The following NDC80 variants were observed in gnomAD, a reference collection of about 807,000 sequenced individuals.
The protein encoded by NDC80 is kinetochore protein NDC80 homolog.
Under a neutral mutation model 89.3 loss-of-function variants are expected in NDC80, and 69 were observed. The ratio of observed to expected loss-of-function variants is 0.77; its 90% CI spans 0.64 to 0.94. The LOEUF (loss-of-function observed/expected upper bound fraction) is 0.94, where lower values mean the gene tolerates loss of function less well. Ranked by LOEUF, NDC80 falls within the 40% of genes least tolerant of loss-of-function variation. The pLI, the probability that NDC80 is intolerant of heterozygous loss-of-function variation, is 0.00. For missense variants in NDC80, 593 were observed against 739.6 expected (o/e 0.80, Z 2.30); for synonymous variants, 243 against 255.6 (o/e 0.95, Z 0.47).
At chr18:2,606,572 C>T (rs554417961) in intron 14 of NDC80, 65 bp downstream of exon 14, 4 of 980,840 alleles carry the variant, frequency 4.1e-6, no homozygotes, top group South Asian at 3.2e-5. Flanking sequence ...TGATGAGTCA[C>T]ATATTCTGAC....
chr18:2,600,673 T>G (rs1386955094), intron 12 of NDC80, among the ~76,000 whole-genome samples: 1 of 151,280 alleles, frequency 6.6e-6, no homozygotes, highest in African/African-American at 2.4e-5. Flanking sequence ...CAGGCCAAAA[T>G]TAAAACTCAG....
At chr18:2,595,705 T>C (rs1009060504) in intron 11 of NDC80, 84 bp downstream of exon 11, 7 of 1,153,312 alleles carry the variant, frequency 6.1e-6, no homozygotes, top group Non-Finnish European at 8.7e-6. Flanking sequence ...AGTCAGTGGG[T>C]AGAGTAAATT....
Position 2,595,442 on chromosome 18 carries a change from G to T in NDC80, c.1042G>T (p.Glu348Ter). 1 of 1,613,620 alleles carries T rather than the reference G, an allele frequency of 6.2e-7. No individual in the cohort carries two copies. The highest frequency in any genetic ancestry group is 8.5e-7 in the Non-Finnish European group (1 of 1,179,796). The change falls in exon 11 of 17, where the codon GAG (glutamate) becomes TAG (stop). Residue 348 changes from glutamate (E) to a stop codon, truncating the protein, a stop_gained. Transcript: ENST00000261597. LOFTEE classifies it high-confidence loss of function. ...VELECETIKQENTRLQNIIDN... is the reference protein window; with the variant it reads ...VELECETIKQ Reference sequence around the variant, plus strand: ...ACTAGAATGTGAAACAATAAAACAGGAGAACACTCGACTACAGAATATCAT... The same window carrying T: ...ACTAGAATGTGAAACAATAAAACAGTAGAACACTCGACTACAGAATATCAT...
chr18:2,573,169 G>A (rs1441369332), intron 2 of NDC80, 83 bp downstream of exon 2: 43 of 1,080,088 alleles, frequency 4.0e-5, no homozygotes, highest in Non-Finnish European at 5.3e-5. Flanking sequence ...ATATAAAGAT[G>A]TAATATGAGT....
intron 6 of NDC80, 65 bp downstream of exon 6, chr18:2,579,094 T>C (rs1444714641): frequency 2.1e-6 from 2 of 955,092 alleles, no homozygotes; most frequent in South Asian, 2.7e-5. Flanking sequence ...AAAAAATATT[T>C]TCTCTCCCAG....
At chr18:2,580,859 G>A (rs530263020) in intron 6 of NDC80, among the ~76,000 whole-genome samples, 39 of 146,172 alleles carry the variant, frequency 2.7e-4, no homozygotes, top group African/African-American at 9.2e-4. Flanking sequence ...CTCTGCCTCA[G>A]CCTCCCGAGT....
chr18:2,584,454 T>A (rs1367682870), intron 6 of NDC80, among the ~76,000 whole-genome samples: 1 of 152,106 alleles, frequency 6.6e-6, no homozygotes. Context: ...TTAAATGTTA[T>A]GTTTTTAAAA....
intron 12 of NDC80, among the ~76,000 whole-genome samples, chr18:2,600,166 T>C (rs1364616921): frequency 6.6e-6 from 1 of 152,126 alleles, no homozygotes; most frequent in African/African-American, 2.4e-5. Context: ...GTAGAAAAGA[T>C]TACACAATGC....
At chr18:2,612,293 T>C (rs1485801947) in intron 16 of NDC80, among the ~76,000 whole-genome samples, 1 of 131,106 alleles carries the variant, frequency 7.6e-6, no homozygotes, top group East Asian at 2.1e-4. Context: ...TTTTTTTTTT[T>C]TTTTTTTTTT....
chr18:2,595,627 T>TCATA lies in NDC80; in HGVS notation c.1221+8_1221+11dup, dbSNP rs776529938. Reference sequence around the variant, plus strand: ...ATGCCAGAGGCAAAGAAGCGGTATGTCATACCATTTCCAGAGTGGCAACTC... The same window carrying TCATA: ...ATGCCAGAGGCAAAGAAGCGGTATGTCATACATACCATTTCCAGAGTGGCAACTC... On this transcript the variant is annotated splice_region_variant and intron_variant, in intron 11 of 16. Transcript: ENST00000261597. 6.2e-7 allele frequency: 1 copy of TCATA among 1,611,252 alleles called. No homozygotes were observed. The highest frequency in any genetic ancestry group is 1.1e-5 in the South Asian group (1 of 90,888).
chr18:2,607,363 G>C (rs1363635134), intron 14 of NDC80, among the ~76,000 whole-genome samples: 2 of 152,070 alleles, frequency 1.3e-5, no homozygotes, highest in African/African-American at 4.8e-5. Flanking sequence ...TACTTTGCCT[G>C]TGCATAGTTA....
chr18:2,578,544 A>G (rs1379590040), intron 5 of NDC80, among the ~76,000 whole-genome samples: 4 of 150,430 alleles, frequency 2.7e-5, no homozygotes, highest in Admixed American at 2.0e-4. Flanking sequence ...AGCCAAAAAC[A>G]AAAAAAAACA....
rs2072610000 is a variant in NDC80 at position 2,587,896 on chromosome 18, A to G, written c.736A>G (p.Met246Val). The change falls in exon 8 of 17, where the codon ATG (methionine) becomes GTG (valine). Residue 246 changes from methionine (M) to valine (V), a missense_variant. By Grantham distance (21) the Met-to-Val change is conservative. Coordinates refer to ENST00000261597, the MANE Select transcript of NDC80 (RefSeq NM_006101.3). The stretch of plus-strand genomic sequence containing the variant: ...GAGTGGTGCCGACAGCTTTGATGAG[A>G]TGAATGCAGAGCTGCAGTCAAAACT... Reference protein sequence around the residue: ...FMSGADSFDEMNAELQSKLKD... With the variant: ...FMSGADSFDEVNAELQSKLKD... 1 of 1,613,636 alleles carries G rather than the reference A, an allele frequency of 6.2e-7. No homozygotes were observed. The highest frequency in any genetic ancestry group is 8.5e-7 in the Non-Finnish European group (1 of 1,179,726).
At chr18:2,612,420 C>G (rs2072750590) in intron 16 of NDC80, among the ~76,000 whole-genome samples, 1 of 150,826 alleles carries the variant, frequency 6.6e-6, no homozygotes, top group African/African-American at 2.4e-5. Flanking sequence ...TCCCAAGTAG[C>G]TGGGATTACA....
chr18:2,597,859 T>C (rs2072665367), intron 11 of NDC80, among the ~76,000 whole-genome samples: 2 of 152,146 alleles, frequency 1.3e-5, no homozygotes, highest in Non-Finnish European at 2.9e-5. Flanking sequence ...GCTTGGGTAA[T>C]TGGGCAGGTG....
chr18:2,584,113 C>A (rs7232815), intron 6 of NDC80, among the ~76,000 whole-genome samples: 8,736 of 151,804 alleles, frequency 0.058, 843 homozygotes, highest in African/African-American at 0.2. Flanking sequence ...CATGGTGAAA[C>A]CCCGTCTCTA....
chr18:2,597,207 AAAAT>A (rs1568005848), intron 11 of NDC80, among the ~76,000 whole-genome samples: 126 of 151,606 alleles, frequency 8.3e-4, no homozygotes, highest in African/African-American at 2.8e-3. Flanking sequence ...AAAATAAAAT[AAAAT>A]AAAATAGCAA....
In NDC80 at chr18:2,608,776, C is replaced by G. The variant is rs1317413184; in HGVS notation, c.1634C>G (p.Thr545Ser). ...AAACACAAGCACCTGCTAGAAAGTA[C>G]TGTTAACCAGGGGCTCAGTGAAGCT... Reference protein sequence around the residue: ...LEKHKHLLESTVNQGLSEAMN... With the variant: ...LEKHKHLLESSVNQGLSEAMN... The change falls in exon 15 of 17, where the codon ACT becomes AGT. Residue 545 changes from threonine (T) to serine (S), a missense_variant. Physicochemically the swap from Thr to Ser is moderately conservative, Grantham distance 58. Coordinates refer to ENST00000261597, the MANE Select transcript of NDC80 (RefSeq NM_006101.3). The G allele has an allele frequency of 6.2e-7, 1 of 1,613,166 alleles. No individual in the cohort carries two copies. The highest frequency in any genetic ancestry group is 8.5e-7 in the Non-Finnish European group (1 of 1,179,310).
chr18:2,576,808 A>C (rs969316786), intron 3 of NDC80, among the ~76,000 whole-genome samples: 4 of 152,252 alleles, frequency 2.6e-5, no homozygotes, highest in Non-Finnish European at 2.9e-5. Context: ...AATAAAATAG[A>C]TACCTTTAAA....
Sources: allele counts gnomAD v4.1 joint callset (sites outside exome capture counted in the v4.1 genomes callset), GRCh38; gene constraint gnomAD v4.1.1; transcripts MANE v1.5; gene names NCBI Gene and HGNC (gene_info 2026-07-23, HGNC 2026-07-21).